ITPK1: variants seen among roughly 807,000 people sequenced by gnomAD.
ITPK1 encodes the protein inositol-tetrakisphosphate 1-kinase.
Under a neutral mutation model 45.3 loss-of-function variants are expected in ITPK1, and 21 were observed. The observed-to-expected ratio is 0.46, with a 90% CI of 0.33 to 0.67. The LOEUF is 0.67. ITPK1 is among the 30% of genes least tolerant of loss of function. The probability of loss-of-function intolerance (pLI) is 0.02; values close to 1 mark genes in which losing one functional copy is unlikely to be tolerated. For synonymous variants in ITPK1, 258 were observed against 253.6 expected (o/e 1.02, Z -0.16); for missense variants, 474 against 573.5 (o/e 0.83, Z 1.77).
rs193090411 is a variant in ITPK1 at position 93,036,048 on chromosome 14, G to A, written c.121-19247C>T. ...CATCCTCAGAGTTTGGAAACAGGTG[G>A]GAGGAGCACTCGCCAAGCCCAAGGC... is the stretch of plus-strand genomic sequence containing the variant. On this transcript the variant is annotated intron_variant, in intron 3 of 10. Transcript: ENST00000267615. This position sits in a 1 kb window ranked among gnomAD's most constrained non-coding sequence, Gnocchi z 4.1. Among the ~76,000 whole-genome samples the A allele has an allele frequency of 1.1e-3, 175 of 152,304 alleles. 2 individuals carry two copies. The highest frequency in any genetic ancestry group is 3.8e-3 in the African/African-American group (159 of 41,570).
intron 4 of ITPK1, among the ~76,000 whole-genome samples, chr14:93,008,811 C>T (rs1377230723): frequency 6.6e-6 from 1 of 152,234 alleles, no homozygotes. Flanking sequence ...AACAGGGTGT[C>T]CTTTCTGCCG....
chr14:93,098,598 T>A (rs948210747), intron 2 of ITPK1, among the ~76,000 whole-genome samples: 1 of 152,010 alleles, frequency 6.6e-6, no homozygotes, highest in South Asian at 2.1e-4. Flanking sequence ...AAGCAATGGG[T>A]CCCAAACTCA....
At chr14:93,037,512 A>C (rs574844537) in intron 3 of ITPK1, among the ~76,000 whole-genome samples, 1 of 152,168 alleles carries the variant, frequency 6.6e-6, no homozygotes, top group Non-Finnish European at 1.5e-5. Context: ...ACCTAGATGC[A>C]CCTTACATGC....
intron 3 of ITPK1, among the ~76,000 whole-genome samples, chr14:93,020,093 T>C (rs1307116993): frequency 6.6e-6 from 1 of 152,156 alleles, no homozygotes; most frequent in Non-Finnish European, 1.5e-5. Flanking sequence ...CTGCTCTGTG[T>C]GGCGCTTGGA....
rs1889330596 is a variant in ITPK1 at position 93,036,584 on chromosome 14, C to G, written c.121-19783G>C. Among the ~76,000 whole-genome samples the G allele has an allele frequency of 6.6e-6, 1 of 151,692 alleles. No homozygotes were observed. Among genetic ancestry groups the G allele is most frequent in the African/African-American group, 2.4e-5 (1 of 41,262 alleles). Reference sequence around the variant, plus strand: ...ACCCCCTAACCCCCAGCCACTCTCCCCGGCGTTCTGTGGCCCACACCCCTC... The same window carrying G: ...ACCCCCTAACCCCCAGCCACTCTCCGCGGCGTTCTGTGGCCCACACCCCTC... On this transcript the variant is annotated intron_variant, in intron 3 of 10. Coordinates refer to ENST00000267615, the MANE Select transcript of ITPK1 (RefSeq NM_014216.6). This position sits in a 1 kb window ranked among gnomAD's most constrained non-coding sequence, Gnocchi z 4.1.
In ITPK1 at chr14:92,992,679, T is replaced by C. The variant is rs575775682; in HGVS notation, c.364+1201A>G. On this transcript the variant is annotated intron_variant, in intron 5 of 10. Coordinates refer to ENST00000267615, the MANE Select transcript of ITPK1 (RefSeq NM_014216.6). ...AGGCCAGGGTCCTCAGTGGTACCCA[T>C]TTCAGGTTCTTCTAGATCCAGGGCC... Among the ~76,000 whole-genome samples the C allele has an allele frequency of 3.3e-5, 5 of 152,344 alleles. No individual in the cohort carries two copies. The East Asian group carries it at 9.6e-4, about 29-fold the overall frequency.
At chr14:93,010,772 G>A (rs72706408) in intron 4 of ITPK1, among the ~76,000 whole-genome samples, 101 of 152,272 alleles carry the variant, frequency 6.6e-4, no homozygotes, top group Non-Finnish European at 1.1e-3. Flanking sequence ...ACTAGGCGCC[G>A]GGCCTGTACT....
At chr14:93,077,458 C>T (rs144513389) in intron 2 of ITPK1, among the ~76,000 whole-genome samples, 3,554 of 152,262 alleles carry the variant, frequency 0.023, 131 homozygotes, top group African/African-American at 0.081. Context: ...GCTGGGACTA[C>T]AGGCACCCAC....
At chr14:93,035,621 G>A (rs937200227) in intron 3 of ITPK1, among the ~76,000 whole-genome samples, 39 of 152,320 alleles carry the variant, frequency 2.6e-4, no homozygotes, top group East Asian at 3.9e-4. Context: ...GGCTCAGGCC[G>A]CAGAAACCTG....
chr14:93,020,074 T>C (rs1373245746), intron 3 of ITPK1, among the ~76,000 whole-genome samples: 3 of 152,164 alleles, frequency 2.0e-5, no homozygotes, highest in Admixed American at 6.5e-5. Flanking sequence ...GCAGGGCCCA[T>C]GCTGGATCCT....
chr14:93,111,991 T>C (rs1425500838), intron 2 of ITPK1, among the ~76,000 whole-genome samples: 2 of 152,000 alleles, frequency 1.3e-5, no homozygotes, highest in Non-Finnish European at 2.9e-5. Context: ...GGGCACTTCA[T>C]GGCCCATGAA....
chr14:93,052,393 C>T (rs1890051752), intron 3 of ITPK1, among the ~76,000 whole-genome samples: 1 of 152,178 alleles, frequency 6.6e-6, no homozygotes, highest in African/African-American at 2.4e-5. Context: ...CGCCAGGCAT[C>T]TAGGGCGGCC....
chr14:93,066,505 C>G, intron 3 of ITPK1: 2 of 319,860 alleles, frequency 6.3e-6, no homozygotes, highest in South Asian at 2.3e-5. Flanking sequence ...CCCGCGTTCG[C>G]GCCATTCTCC....
chr14:92,970,832 T>C (rs552840376), intron 5 of ITPK1, among the ~76,000 whole-genome samples: 1 of 152,240 alleles, frequency 6.6e-6, no homozygotes, highest in South Asian at 2.1e-4. Context: ...AGATGGGGTT[T>C]CACCGTGTTA....
chr14:93,054,810 T>C (rs1218412008), intron 3 of ITPK1, among the ~76,000 whole-genome samples: 2 of 152,196 alleles, frequency 1.3e-5, no homozygotes, highest in Non-Finnish European at 2.9e-5. Context: ...ATGGCTTTTT[T>C]CCCCTTCTGT....
intron 9 of ITPK1, among the ~76,000 whole-genome samples, chr14:92,950,528 T>C (rs1049078807): frequency 3.3e-5 from 5 of 152,126 alleles, no homozygotes; most frequent in African/African-American, 1.2e-4. Flanking sequence ...ACCTCAGAGG[T>C]GAAGGGAAGG....
At chr14:93,055,554 G>A (rs995756780) in intron 3 of ITPK1, among the ~76,000 whole-genome samples, 5 of 152,082 alleles carry the variant, frequency 3.3e-5, no homozygotes, top group East Asian at 1.9e-4. Flanking sequence ...GGACTCTCCC[G>A]AGCCTCGGTG....
At chr14:92,962,034 G>A (rs767075030) in intron 7 of ITPK1, among the ~76,000 whole-genome samples, 13 of 152,246 alleles carry the variant, frequency 8.5e-5, no homozygotes, top group Non-Finnish European at 1.6e-4. Flanking sequence ...TAAATGTGGC[G>A]AAGCCACCCA....
At chr14:93,099,610 C>T (rs926269272) in intron 2 of ITPK1, among the ~76,000 whole-genome samples, 2 of 152,190 alleles carry the variant, frequency 1.3e-5, no homozygotes, top group African/African-American at 4.8e-5. Flanking sequence ...CTGCCTGTGT[C>T]GGGCTGGCCG....
Sources: allele counts gnomAD v4.1 joint callset (sites outside exome capture counted in the v4.1 genomes callset), GRCh38; gene constraint gnomAD v4.1.1; non-coding constraint Gnocchi (gnomAD v3.1); transcripts MANE v1.5; gene names NCBI Gene and HGNC (gene_info 2026-07-23, HGNC 2026-07-21).